Variants in CHST10 observed in about 807,000 individuals in gnomAD.
CHST10 encodes carbohydrate sulfotransferase 10.
A neutral mutation model predicts 34.7 loss-of-function variants in CHST10; 24 were observed. The ratio of observed to expected loss-of-function variants is 0.69; its 90% confidence interval spans 0.50 to 0.97. The LOEUF (loss-of-function observed/expected upper bound fraction) is 0.97, where lower values mean the gene tolerates loss of function less well. Among genes scored for constraint, CHST10 ranks in the 50% least tolerant of loss-of-function variants. The probability of loss-of-function intolerance (pLI) is 0.00; values close to 1 mark genes in which losing one functional copy is unlikely to be tolerated. For synonymous variants in CHST10, 161 were observed against 169.3 expected, an observed-to-expected ratio of 0.95 and a Z score of 0.38; for missense variants, 402 against 452.1, an observed-to-expected ratio of 0.89 and a Z score of 1.00.
intron 2 of CHST10, among the ~76,000 whole-genome samples, chr2:100,412,886 G>A (rs924673136): frequency 6.6e-6 from 1 of 152,124 alleles, no homozygotes; most frequent in Non-Finnish European, 1.5e-5. Flanking sequence ...ACTAGACTCT[G>A]TAGAATCAGG....
chr2:100,400,401 A>G (rs1437952490), intron 4 of CHST10, among the ~76,000 whole-genome samples: 1 of 151,452 alleles, frequency 6.6e-6, no homozygotes, highest in Non-Finnish European at 1.5e-5. Flanking sequence ...CACCATAACC[A>G]CCTGATTTTT....
At chr2:100,410,152 G>A (rs1675768971) in intron 2 of CHST10, among the ~76,000 whole-genome samples, 1 of 152,214 alleles carries the variant, frequency 6.6e-6, no homozygotes, top group Non-Finnish European at 1.5e-5. Context: ...CCCCTTGCAG[G>A]CCACAGAGCC....
At chr2:100,393,837 A>AG in intron 6 of CHST10, 55 bp from the exon 7 acceptor site, 2 of 1,436,304 alleles carry the variant, frequency 1.4e-6, no homozygotes, top group Non-Finnish European at 9.6e-7. Flanking sequence ...GTCACAGCTG[A>AG]GGGGGCGGGA....
At chr2:100,416,998 A>G (rs1676093413) in intron 1 of CHST10, 1 of 1,304,192 alleles carries the variant, frequency 7.7e-7, no homozygotes, top group Non-Finnish European at 1.0e-6. Flanking sequence ...CCGAAGCTGC[A>G]CATGCTCCTT....
intron 3 of CHST10, among the ~76,000 whole-genome samples, chr2:100,404,471 T>C (rs1157821556): frequency 1.3e-5 from 2 of 152,166 alleles, no homozygotes; most frequent in Non-Finnish European, 2.9e-5. Flanking sequence ...CGAAAGCCCT[T>C]CATCTTTCTT....
At chr2:100,408,060 G>A (rs1558643960) in intron 2 of CHST10, 3 of 151,888 alleles carry the variant, frequency 2.0e-5, no homozygotes, top group Non-Finnish European at 1.5e-5. Context: ...GTCCTTCCCA[G>A]GTTCCCCAAG....
Position 100,393,633 on chromosome 2 carries a change from T to G in CHST10, c.683A>C (p.Asn228Thr). 1 of 1,614,154 alleles carries G rather than the reference T, an allele frequency of 6.2e-7. No homozygotes were observed. Among genetic ancestry groups the G allele is most frequent in the East Asian group, 2.2e-5 (1 of 44,890 alleles). Residue 228 changes from asparagine to threonine, a missense_variant, in exon 7 of 7, where the codon AAC becomes ACC. Coordinates refer to ENST00000264249, the MANE Select transcript of CHST10 (RefSeq NM_004854.5). Reference protein sequence around the residue: ...APGIIRKYRRNRTETRGIQFE... With the variant: ...APGIIRKYRRTRTETRGIQFE... Reference sequence around the variant, plus strand: ...CTGGATCCCCCGGGTCTCTGTCCGGTTCCTCCTGTATTTTCTGATGATGCC... The same window carrying G: ...CTGGATCCCCCGGGTCTCTGTCCGGGTCCTCCTGTATTTTCTGATGATGCC...
At position 100,393,075 on chromosome 2, in the gene CHST10, G is replaced by GT. The variant is rs1428112866; in HGVS notation, c.*169dup. ...GAGCATCTTACATCCAAACTAAGTT[G>GT]TAACAGTTGGGGTTCTGCGTCATAT... is the stretch of plus-strand genomic sequence containing the variant. On this transcript the variant is annotated 3_prime_UTR_variant, in exon 7 of 7. Transcript: ENST00000264249. The GT allele has an allele frequency of 1.5e-5, 10 of 657,022 alleles. No individual in the cohort carries two copies. The Admixed American group carries it at 2.0e-4, about 13-fold the overall frequency. 40.7% of individuals were successfully genotyped at this position (657,022 alleles called of 1,614,324 possible).
Position 100,393,740 on chromosome 2 carries a change from G to A in CHST10, c.576C>T (p.Phe192=), listed in dbSNP as rs1222542443. 5.6e-6 allele frequency: 9 copies of A among 1,612,612 alleles called. No individual in the cohort carries two copies. In the Admixed American group the frequency reaches 6.7e-5, roughly 12 times the overall value. Residue 192 remains phenylalanine, a synonymous_variant, in exon 7 of 7, where the codon TTC becomes TTT. Transcript: ENST00000264249. ...CCTTAAATGCAGAAATAAGTCTTTC[G>A]AAGGGATCTCTTACAATAAAAAACT... ...YFKFFIVRDP[F]ERLISAFKDK...
rs575332005 is a variant in CHST10, at chr2:100,393,892, C to T, written c.534-110G>A. ...TGCAGCACTGTGTATGGGACCCTCA[C>T]GTGCCGAGGCTGCCATGAATGCATT... On this transcript the variant is annotated intron_variant, in intron 6 of 6. Transcript: ENST00000264249. 4.1e-3 allele frequency: 3,289 copies of T among 804,664 alleles called. 10 individuals carry two copies. The highest frequency in any genetic ancestry group is 5.9e-3 in the Non-Finnish European group (3,022 of 511,206). The allele number at this position is 804,664 out of a possible 1,614,324, so 49.8% of individuals were successfully genotyped here. A position where few individuals can be genotyped will look rare whatever the true frequency, so the allele number is the denominator to read the frequency against.
chr2:100,405,840 G>C (rs750395857), intron 3 of CHST10, among the ~76,000 whole-genome samples: 1 of 152,094 alleles, frequency 6.6e-6, no homozygotes, highest in African/African-American at 2.4e-5. Context: ...AGTGGCCTCG[G>C]GGCTGGAGAG....
intron 2 of CHST10, among the ~76,000 whole-genome samples, chr2:100,410,510 A>G (rs1675787114): frequency 6.6e-6 from 1 of 152,184 alleles, no homozygotes; most frequent in Non-Finnish European, 1.5e-5. Flanking sequence ...TGACTGTGTC[A>G]ATTGAGCAAC....
chr2:100,413,299 T>A (rs906414796), intron 2 of CHST10, among the ~76,000 whole-genome samples: 7 of 152,286 alleles, frequency 4.6e-5, no homozygotes, highest in African/African-American at 1.7e-4. Flanking sequence ...CGCCCTCCCT[T>A]CGGTCATGGC....
Position 100,403,777 on chromosome 2 carries a change from A to G in CHST10, c.101-1122T>C, listed in dbSNP as rs559051995. 1.3e-3 allele frequency among the ~76,000 whole-genome samples: 194 copies of G among 152,306 alleles called. 2 individuals carry two copies. Among genetic ancestry groups the G allele is most frequent in the African/African-American group, 4.6e-3 (190 of 41,566 alleles). The stretch of plus-strand genomic sequence containing the variant: ...TATTTCCTGGTCTTGACACTTCACA[A>G]TGGGCTTCTGGTTCATAATCAAAAA... On this transcript the variant is annotated intron_variant, in intron 3 of 6. Coordinates refer to ENST00000264249, the MANE Select transcript of CHST10 (RefSeq NM_004854.5).
At chr2:100,394,804 A>G (rs1674975529) in intron 6 of CHST10, among the ~76,000 whole-genome samples, 1 of 150,806 alleles carries the variant, frequency 6.6e-6, no homozygotes, top group Non-Finnish European at 1.5e-5. Flanking sequence ...GCTCACTGCA[A>G]CCCTTGCCTC....
chr2:100,399,905 C>T (rs995181436), intron 4 of CHST10, among the ~76,000 whole-genome samples: 3 of 152,212 alleles, frequency 2.0e-5, no homozygotes, highest in Non-Finnish European at 2.9e-5. Flanking sequence ...AGGGCATCAG[C>T]GGCTGCCCGG....
At chr2:100,394,175 G>A (rs529454512) in intron 6 of CHST10, among the ~76,000 whole-genome samples, 6 of 152,186 alleles carry the variant, frequency 3.9e-5, no homozygotes, top group Non-Finnish European at 7.3e-5. Flanking sequence ...AATAGATGGT[G>A]CCAGGGAAAG....
rs1675395196 is a variant in CHST10 at position 100,402,617 on chromosome 2, T to C, written c.139A>G (p.Met47Val). The C allele has an allele frequency of 2.5e-6, 4 of 1,613,896 alleles. No individual in the cohort carries two copies. Among genetic ancestry groups the C allele is most frequent in the African/African-American group, 1.3e-5 (1 of 74,924 alleles). Residue 47 changes from methionine (M) to valine (V), a missense_variant, in exon 4 of 7, where the codon ATG (methionine) becomes GTG (valine). Physicochemically the swap from Met to Val is conservative, Grantham distance 21. Coordinates refer to ENST00000264249, the MANE Select transcript of CHST10 (RefSeq NM_004854.5). The stretch of plus-strand genomic sequence containing the variant: ...TCTGGCAACTTCCTCACTTCCGGCA[T>C]GGTTGTCAGGAACAGAAACTCCTGT... ...AKQEFLFLTTMPEVRKLPEEK... is the reference protein window; with the variant it reads ...AKQEFLFLTTVPEVRKLPEEK...
intron 2 of CHST10, chr2:100,407,984 T>C (rs1222914350): frequency 1.3e-5 from 2 of 152,096 alleles, no homozygotes; most frequent in Admixed American, 6.5e-5. Flanking sequence ...ACCCAAATAT[T>C]GCATAAGACA....
Sources: allele counts gnomAD v4.1 joint callset (sites outside exome capture counted in the v4.1 genomes callset), GRCh38; gene constraint gnomAD v4.1.1; transcripts MANE v1.5; gene names NCBI Gene and HGNC (gene_info 2026-07-23, HGNC 2026-07-21).